MTO1: variants seen among roughly 807,000 people sequenced by gnomAD.
The protein encoded by MTO1 is 5-taurinomethyluridine-[tRNA] synthase subunit MTO1, mitochondrial.
MTO1 carries 46 observed loss-of-function variants against 71.6 expected under a neutral mutation model. That is an observed-to-expected ratio of 0.64 (90% CI 0.51 to 0.82). The LOEUF is 0.82. Ranked by LOEUF, MTO1 falls within the 40% of genes least tolerant of loss-of-function variation. The pLI is 0.00. For missense variants in MTO1, 773 were observed against 867.5 expected (o/e 0.89, Z 1.37); for synonymous variants, 297 against 312.1 (o/e 0.95, Z 0.51).
intron 9 of MTO1, among the ~76,000 whole-genome samples, chr6:73,488,572 T>C (rs551782010): frequency 7.4e-4 from 112 of 152,234 alleles, no homozygotes; most frequent in African/African-American, 2.6e-3. Flanking sequence ...CTGTGGATTG[T>C]GTTTTCACTC....
intron 9 of MTO1, among the ~76,000 whole-genome samples, chr6:73,488,786 C>T (rs1771728985): frequency 6.6e-6 from 1 of 151,928 alleles, no homozygotes; most frequent in African/African-American, 2.4e-5. Context: ...CGCATGGTGG[C>T]ACATGTCTGT....
intron 3 of MTO1, among the ~76,000 whole-genome samples, chr6:73,469,784 T>C (rs1257671842): frequency 6.6e-6 from 1 of 152,138 alleles, no homozygotes; most frequent in African/African-American, 2.4e-5. Flanking sequence ...GGTGGGTGGA[T>C]CACCTGAGGT....
chr6:73,475,589 AC>A (rs1771289886), intron 4 of MTO1, among the ~76,000 whole-genome samples: 1 of 150,054 alleles, frequency 6.7e-6, no homozygotes, highest in Non-Finnish European at 1.5e-5. Context: ...ATCTCGGCTC[AC>A]TGCAACATCC....
chr6:73,461,777 C>T lies in MTO1; in HGVS notation c.-78C>T. 3 of 1,467,642 alleles carry T rather than the reference C, an allele frequency of 2.0e-6. No homozygotes were observed. Among genetic ancestry groups the T allele is most frequent in the Non-Finnish European group, 2.8e-6 (3 of 1,064,324 alleles). 90.9% of individuals were successfully genotyped at this position (1,467,642 alleles called of 1,614,324 possible). A position where few individuals can be genotyped will look rare whatever the true frequency, so the allele number is the denominator to read the frequency against. ...ATTAAAGCAAGATGGCCGCGCCCTGCAGATTGTCTCTTGTTGCGTAAGTTT... is the reference window on the plus strand; with the variant it reads ...ATTAAAGCAAGATGGCCGCGCCCTGTAGATTGTCTCTTGTTGCGTAAGTTT... On this transcript the variant is annotated 5_prime_UTR_variant, in exon 1 of 12. Coordinates refer to ENST00000498286, the MANE Select transcript of MTO1 (RefSeq NM_012123.4).
chr6:73,496,468 TTTTTTTTTTC>T (rs1159056050), intron 10 of MTO1, among the ~76,000 whole-genome samples: 2 of 148,854 alleles, frequency 1.3e-5, no homozygotes, highest in African/African-American at 4.9e-5. Flanking sequence ...AACCATTTTC[TTTTTTTTTTC>T]TTTTTTTTAA....
intron 3 of MTO1, among the ~76,000 whole-genome samples, chr6:73,472,025 A>G (rs893822472): frequency 1.3e-5 from 2 of 152,068 alleles, no homozygotes; most frequent in African/African-American, 4.8e-5. Context: ...CAAAACCTTA[A>G]TGTGTAAATT....
Position 73,504,560 on chromosome 6 carries a change from A to T in MTO1, c.*3825A>T, listed in dbSNP as rs1482186152. The T allele has an allele frequency of 1.3e-5, 2 of 152,200 alleles. No homozygotes were observed. Among genetic ancestry groups the T allele is most frequent in the African/African-American group, 4.8e-5 (2 of 41,446 alleles). 9.4% of individuals were successfully genotyped at this position (152,200 alleles called of 1,614,324 possible). On this transcript the variant is annotated 3_prime_UTR_variant, in exon 12 of 12. Coordinates refer to ENST00000498286, the MANE Select transcript of MTO1 (RefSeq NM_012123.4). ...AATACTACTAAAGGCAAGAAATGGT[A>T]TTACTAAAACTCAAGTGAATAATTA...
chr6:73,480,378 C>G (rs909393149), intron 6 of MTO1: 1 of 659,842 alleles, frequency 1.5e-6, no homozygotes, highest in South Asian at 1.5e-5. Flanking sequence ...GTTCGTGATT[C>G]TTCTGCCTCA....
intron 3 of MTO1, among the ~76,000 whole-genome samples, chr6:73,469,898 G>A (rs1248880371): frequency 2.0e-5 from 3 of 151,526 alleles, no homozygotes; most frequent in Admixed American, 1.3e-4. Flanking sequence ...CTAGCCACTC[G>A]GGAGGCTGAG....
intron 4 of MTO1, among the ~76,000 whole-genome samples, chr6:73,475,340 TGG>T (rs1771282051): frequency 6.6e-6 from 1 of 151,812 alleles, no homozygotes; most frequent in Non-Finnish European, 1.5e-5. Context: ...TGTGGTGCAA[TGG>T]CACGATCTCA....
chr6:73,489,284 T>TC (rs1001630216), intron 9 of MTO1, among the ~76,000 whole-genome samples: 3 of 150,284 alleles, frequency 2.0e-5, no homozygotes, highest in Non-Finnish European at 2.9e-5. Context: ...TTTTCTTTTT[T>TC]TTTTTTGTAT....
At chr6:73,473,773 G>A (rs1199321131) in intron 4 of MTO1, 119 bp downstream of exon 4, 6 of 717,642 alleles carry the variant, frequency 8.4e-6, no homozygotes, top group Admixed American at 3.5e-5. Flanking sequence ...ATTGCTTATA[G>A]TGCAAAGAAA....
intron 7 of MTO1, 95 bp from the exon 8 acceptor site, chr6:73,481,944 TC>T (rs1225030119): frequency 7.4e-7 from 1 of 1,352,596 alleles, no homozygotes; most frequent in Non-Finnish European, 1.1e-6. Context: ...CTTGCTTTCT[TC>T]CTGTCCCATG....
rs370002264 is a variant in MTO1, at chr6:73,480,043, T to C, written c.1046T>C (p.Leu349Ser). The change falls in exon 6 of 12, where the codon TTA becomes TCA. Residue 349 changes from leucine to serine, a missense_variant. Physicochemically the swap from Leu to Ser is moderately radical, Grantham distance 145. Transcript: ENST00000498286. The stretch of plus-strand genomic sequence containing the variant: ...TCTGACCTTATCTACCCACAGGGGT[T>C]ATCTATGACGCTACCAGCTGAGTTA... ...MDSDLIYPQGLSMTLPAELQE... is the reference protein window; with the variant it reads ...MDSDLIYPQGSSMTLPAELQE... The C allele has an allele frequency of 7.4e-6, 12 of 1,614,058 alleles. No homozygotes were observed. In the African/African-American group the frequency reaches 1.2e-4, roughly 16 times the overall value.
chr6:73,476,378 CA>C (rs869185503), intron 4 of MTO1, among the ~76,000 whole-genome samples: 12,799 of 62,912 alleles, frequency 0.2, 443 homozygotes, highest in East Asian at 0.3. Flanking sequence ...GACTCCATCT[CA>C]AAAAAAAAAA....
chr6:73,492,995 T>TGTGTGTGTG (rs540252865), intron 10 of MTO1, among the ~76,000 whole-genome samples: 1 of 73,310 alleles, frequency 1.4e-5, no homozygotes, highest in Non-Finnish European at 2.7e-5. Context: ...TGTGTGTGTA[T>TGTGTGTGTG]TTTTTTTTTT....
Position 73,473,496 on chromosome 6 carries a change from C to G in MTO1, c.667C>G (p.Gln223Glu). The G allele has an allele frequency of 8.1e-6, 13 of 1,614,098 alleles. No individual in the cohort carries two copies. The highest frequency in any genetic ancestry group is 1.1e-5 in the Non-Finnish European group (13 of 1,180,030). Residue 223 changes from glutamine (Q) to glutamate (E), a missense_variant, in exon 4 of 12, where the codon CAG becomes GAG. Coordinates refer to ENST00000498286, the MANE Select transcript of MTO1 (RefSeq NM_012123.4). ...LGDQPSIGLA[Q>E]TLEKLGFVVG... ...GGATCAGCCTTCTATAGGATTGGCTCAGACACTGGAGAAGTTAGGGTTTGT... is the reference window on the plus strand; with the variant it reads ...GGATCAGCCTTCTATAGGATTGGCTGAGACACTGGAGAAGTTAGGGTTTGT...
rs770538630 is a variant in MTO1 at position 73,482,599 on chromosome 6, C to T, written c.1616C>T (p.Thr539Ile). 3.7e-6 allele frequency: 6 copies of T among 1,603,832 alleles called. No individual in the cohort carries two copies. The highest frequency in any genetic ancestry group is 3.5e-5 in the Admixed American group (2 of 56,968). The change falls in exon 9 of 12, where the codon ACT (threonine) becomes ATT (isoleucine). Residue 539 changes from threonine (T) to isoleucine (I), a missense_variant. Coordinates refer to ENST00000498286, the MANE Select transcript of MTO1 (RefSeq NM_012123.4). ...KKLIPEASIS[T>I]SRSLPVRALD... The stretch of plus-strand genomic sequence containing the variant: ...TTAATCCCAGAGGCTTCTATAAGTA[C>T]TAGTAGAAGTCTGCCTGTCAGGTAT...
At chr6:73,488,550 T>C (rs926162552) in intron 9 of MTO1, among the ~76,000 whole-genome samples, 1 of 152,152 alleles carries the variant, frequency 6.6e-6, no homozygotes, top group Non-Finnish European at 1.5e-5. Flanking sequence ...TTTACAAATA[T>C]TTTCTCCCAT....
Sources: gnomAD v4.1 joint callset for allele counts (sites outside exome capture counted in the v4.1 genomes callset) on GRCh38, gnomAD v4.1.1 for gene constraint, MANE v1.5 for transcripts, NCBI Gene and HGNC (gene_info 2026-07-23, HGNC 2026-07-21) for gene names.